Variants in SLC25A48 observed in about 807,000 individuals in gnomAD.
SLC25A48 encodes solute carrier family 25 member 48, also known as CTC-321K16.1.
SLC25A48 carries 29 observed loss-of-function variants against 32.2 expected under a neutral mutation model. That is an observed-to-expected ratio of 0.90 (90% CI 0.67 to 1.23). SLC25A48 has a LOEUF of 1.23. Among genes scored for constraint, SLC25A48 ranks in the 50% most tolerant of loss-of-function variants. The pLI, the probability that SLC25A48 is intolerant of heterozygous loss-of-function variation, is 0.00. For missense variants in SLC25A48, 399 were observed against 422.7 expected, an observed-to-expected ratio of 0.94 and a Z score of 0.49; for synonymous variants, 164 against 172.3, an observed-to-expected ratio of 0.95 and a Z score of 0.38.
At chr5:135,744,655 G>T (rs1755596595) in intron 3 of SLC25A48, among the ~76,000 whole-genome samples, 1 of 152,036 alleles carries the variant, frequency 6.6e-6, no homozygotes. Flanking sequence ...TTTTTGATGA[G>T]GAACCAGAAG....
chr5:135,847,331 T>C (rs1759505801), intron 2 of SLC25A48, among the ~76,000 whole-genome samples: 3 of 152,016 alleles, frequency 2.0e-5, no homozygotes, highest in African/African-American at 7.3e-5. Flanking sequence ...GGCTAGAGAT[T>C]GGTGGGAGTA....
chr5:135,792,052 C>T (rs1421206947), intron 3 of SLC25A48, among the ~76,000 whole-genome samples: 1 of 151,660 alleles, frequency 6.6e-6, no homozygotes, highest in Non-Finnish European at 1.5e-5. Flanking sequence ...TGTTAACATT[C>T]GTAATATTCT....
intron 3 of SLC25A48, among the ~76,000 whole-genome samples, chr5:135,719,991 T>C: frequency 6.6e-6 from 1 of 152,230 alleles, no homozygotes; most frequent in Non-Finnish European, 1.5e-5. Flanking sequence ...TGAAGGGGCT[T>C]GTAGATGAGC....
At chr5:135,696,393 C>T (rs1754267275) in intron 3 of SLC25A48, among the ~76,000 whole-genome samples, 2 of 152,158 alleles carry the variant, frequency 1.3e-5, no homozygotes, top group South Asian at 2.1e-4. Flanking sequence ...TCTTGGATCA[C>T]CTGTGCCAAA....
At chr5:135,711,224 G>A (rs1754655390) in intron 3 of SLC25A48, among the ~76,000 whole-genome samples, 1 of 152,202 alleles carries the variant, frequency 6.6e-6, no homozygotes, top group South Asian at 2.1e-4. Context: ...TGTTGCATGA[G>A]CTAACATTAG....
At chr5:135,587,774 G>T (rs1384443504) in intron 1 of SLC25A48, among the ~76,000 whole-genome samples, 6 of 152,222 alleles carry the variant, frequency 3.9e-5, no homozygotes, top group Non-Finnish European at 8.8e-5. Context: ...GGCCATAAAA[G>T]AATTGTCATA....
chr5:135,791,341 ATTAT>A (rs1185314408), intron 3 of SLC25A48, among the ~76,000 whole-genome samples: 2 of 151,826 alleles, frequency 1.3e-5, no homozygotes, highest in African/African-American at 4.8e-5. Flanking sequence ...AACTTGTGAT[ATTAT>A]TTGTTATATT....
At chr5:135,785,351 G>C (rs1293211039) in intron 3 of SLC25A48, among the ~76,000 whole-genome samples, 1 of 151,804 alleles carries the variant, frequency 6.6e-6, no homozygotes, top group Non-Finnish European at 1.5e-5. Flanking sequence ...ACTCCCCTTG[G>C]GGCGGGAGGT....
At chr5:135,722,616 C>T (rs1731235464) in intron 3 of SLC25A48, among the ~76,000 whole-genome samples, 1 of 152,200 alleles carries the variant, frequency 6.6e-6, no homozygotes, top group African/African-American at 2.4e-5. Context: ...ACTGTTTCCT[C>T]ACTGCTGAAA....
At chr5:135,755,648 A>G (rs1580844945) in intron 3 of SLC25A48, among the ~76,000 whole-genome samples, 2 of 151,996 alleles carry the variant, frequency 1.3e-5, no homozygotes, top group South Asian at 4.1e-4. Context: ...GATATTTATC[A>G]TATCTAATGA....
At chr5:135,815,520 G>A (rs1757694022) in intron 4 of SLC25A48, among the ~76,000 whole-genome samples, 1 of 152,206 alleles carries the variant, frequency 6.6e-6, no homozygotes, top group African/African-American at 2.4e-5. Flanking sequence ...TGCAGGTAAG[G>A]AAGAGCATCA....
In SLC25A48 at chr5:135,622,466, A is replaced by G. The variant is rs902490781; in HGVS notation, c.-848-6771A>G. On this transcript the variant is annotated intron_variant, in intron 1 of 10. Coordinates refer to the SLC25A48 transcript ENST00000646290. ...TAGTTAACTAAATCATGGCCCATCCATATGATGAATACTCTGTGGTCATTA... is the reference window on the plus strand; with the variant it reads ...TAGTTAACTAAATCATGGCCCATCCGTATGATGAATACTCTGTGGTCATTA... 2.0e-5 allele frequency among the ~76,000 whole-genome samples: 3 copies of G among 152,234 alleles called. No homozygotes were observed. The South Asian group carries it at 6.2e-4, about 32-fold the overall frequency.
At chr5:135,700,199 C>G (rs1213886449) in intron 3 of SLC25A48, among the ~76,000 whole-genome samples, 1 of 151,492 alleles carries the variant, frequency 6.6e-6, no homozygotes, top group South Asian at 2.1e-4. Flanking sequence ...TAGCAAAACC[C>G]CATCTCTACT....
chr5:135,760,411 C>A (rs1023111286), intron 3 of SLC25A48, among the ~76,000 whole-genome samples: 2 of 152,140 alleles, frequency 1.3e-5, no homozygotes, highest in Non-Finnish European at 2.9e-5. Context: ...CAGGCATGAA[C>A]ACCAAGGCCA....
At position 135,804,304 on chromosome 5, in the gene SLC25A48, T is replaced by G. The variant is rs548157716; in HGVS notation, c.-520-8219T>G. ...GATATTACAAATAATGTCACAGGGTTTCCACACATGGTGTATACCCCCGGC... is the reference window on the plus strand; with the variant it reads ...GATATTACAAATAATGTCACAGGGTGTCCACACATGGTGTATACCCCCGGC... On this transcript the variant is annotated intron_variant, in intron 3 of 10. Coordinates refer to the SLC25A48 transcript ENST00000646290. Among the ~76,000 whole-genome samples the G allele has an allele frequency of 2.6e-5, 4 of 151,758 alleles. No individual in the cohort carries two copies. The South Asian group carries it at 8.3e-4, about 31-fold the overall frequency.
chr5:135,750,170 C>A (rs923007335), intron 3 of SLC25A48, among the ~76,000 whole-genome samples: 1 of 152,230 alleles, frequency 6.6e-6, no homozygotes, highest in Admixed American at 6.5e-5. Flanking sequence ...CTGGAAAGGG[C>A]GTTGACCCCT....
At chr5:135,885,952 C>T (rs1197699316) in intron 7 of SLC25A48, among the ~76,000 whole-genome samples, 9 of 151,894 alleles carry the variant, frequency 5.9e-5, no homozygotes, top group Non-Finnish European at 1.3e-4. Flanking sequence ...AAATATATAT[C>T]GTATATGGGT....
At chr5:135,597,928 C>T (rs11748616) in intron 1 of SLC25A48, among the ~76,000 whole-genome samples, 9,668 of 152,112 alleles carry the variant, frequency 0.064, 349 homozygotes, top group South Asian at 0.15. Context: ...CACTTGAACT[C>T]AGGAGACGGA....
intron 2 of SLC25A48, among the ~76,000 whole-genome samples, chr5:135,630,888 C>G (rs1752549862): frequency 6.6e-6 from 1 of 152,046 alleles, no homozygotes; most frequent in African/African-American, 2.4e-5. Context: ...AGGCATGAGC[C>G]ACCGTGCCTG....
Sources: allele counts gnomAD v4.1 joint callset (sites outside exome capture counted in the v4.1 genomes callset), GRCh38; gene constraint gnomAD v4.1.1; transcripts MANE v1.5; gene names NCBI Gene and HGNC (gene_info 2026-07-23, HGNC 2026-07-21).